The following ADAM32 variants were observed in gnomAD, a reference collection of about 807,000 sequenced individuals.
ADAM32 encodes the protein ADAM metallopeptidase domain 32.
A neutral mutation model predicts 114.9 loss-of-function variants in ADAM32; 89 were observed. The ratio of observed to expected loss-of-function variants is 0.77; its 90% confidence interval spans 0.65 to 0.92. The LOEUF is 0.92. Ranked by LOEUF, ADAM32 falls within the 40% of genes least tolerant of loss-of-function variation. ADAM32 has a pLI of 0.00. For synonymous variants in ADAM32, 285 were observed against 307.5 expected, an observed-to-expected ratio of 0.93 and a Z score of 0.77; for missense variants, 870 against 932.8, an observed-to-expected ratio of 0.93 and a Z score of 0.88.
At chr8:39,246,237 C>T in intron 17 of ADAM32, 71 bp downstream of exon 17, 1 of 1,434,910 alleles carries the variant, frequency 7.0e-7, no homozygotes, top group Non-Finnish European at 9.7e-7. Context: ...AATTTACTGA[C>T]ATTTTTTGGG....
intron 6 of ADAM32, chr8:39,157,581 C>T: frequency 1.9e-6 from 1 of 535,986 alleles, no homozygotes. Flanking sequence ...CTTGAGTGGT[C>T]CCATGAATGC....
intron 3 of ADAM32, among the ~76,000 whole-genome samples, chr8:39,144,661 A>C (rs980115940): frequency 4.6e-4 from 1 of 2,154 alleles, no homozygotes; most frequent in Non-Finnish European, 0.011. Context: ...ATACCTTAAC[A>C]CAAAAATGTC....
intron 2 of ADAM32, chr8:39,132,140 A>G (rs4733979): frequency 0.29 from 45,886 of 158,768 alleles, 6,727 homozygotes; most frequent in Middle Eastern, 0.35. Flanking sequence ...TGATCCGCCC[A>G]CCTTGGCCTC....
chr8:39,241,734 C>CTTT (rs1404994074), intron 16 of ADAM32, among the ~76,000 whole-genome samples: 1 of 152,196 alleles, frequency 6.6e-6, no homozygotes, highest in Non-Finnish European at 1.5e-5. Context: ...TTTTTCCCTC[C>CTTT]TAAACCTCCA....
chr8:39,151,126 T>C (rs966032365), intron 5 of ADAM32, among the ~76,000 whole-genome samples: 2 of 152,226 alleles, frequency 1.3e-5, no homozygotes, highest in African/African-American at 2.4e-5. Context: ...ATTACTGTTA[T>C]GCTATATACT....
intron 14 of ADAM32, chr8:39,223,461 C>T (rs1049827220): frequency 7.3e-5 from 18 of 245,012 alleles, no homozygotes; most frequent in East Asian, 3.1e-4. Context: ...AACATATACG[C>T]GCTAATTCTT....
chr8:39,226,674 T>G (rs1041543077), intron 14 of ADAM32, among the ~76,000 whole-genome samples: 2 of 151,346 alleles, frequency 1.3e-5, no homozygotes, highest in Admixed American at 6.6e-5. Flanking sequence ...CTGGCAAAGC[T>G]CTTCTTCGGA....
chr8:39,133,349 A>G (rs930174987), intron 2 of ADAM32, among the ~76,000 whole-genome samples: 7 of 152,196 alleles, frequency 4.6e-5, no homozygotes, highest in Non-Finnish European at 8.8e-5. Flanking sequence ...ATGTGCAGAG[A>G]TGTAATATCT....
chr8:39,200,407 C>T (rs952536509), intron 11 of ADAM32, among the ~76,000 whole-genome samples: 40 of 152,020 alleles, frequency 2.6e-4, no homozygotes, highest in African/African-American at 8.0e-4. Context: ...GTCTGTTGGC[C>T]GCATAAATAT....
At chr8:39,215,147 T>C (rs1808476416) in intron 12 of ADAM32, among the ~76,000 whole-genome samples, 1 of 152,084 alleles carries the variant, frequency 6.6e-6, no homozygotes, top group South Asian at 2.1e-4. Context: ...TCAGGATAGC[T>C]TTAGCTATTC....
chr8:39,159,613 G>A (rs1442155917), intron 6 of ADAM32, among the ~76,000 whole-genome samples: 1 of 151,962 alleles, frequency 6.6e-6, no homozygotes, highest in Non-Finnish European at 1.5e-5. Flanking sequence ...TGCTTTTCTT[G>A]TCCGTTTTTC....
intron 15 of ADAM32, among the ~76,000 whole-genome samples, chr8:39,232,937 G>T (rs1441323758): frequency 6.6e-6 from 1 of 152,148 alleles, no homozygotes; most frequent in Admixed American, 6.5e-5. Flanking sequence ...AGACTGTAAA[G>T]TCCTTAGAGT....
intron 11 of ADAM32, among the ~76,000 whole-genome samples, chr8:39,204,293 T>C (rs554583474): frequency 4.1e-4 from 63 of 152,358 alleles, no homozygotes; most frequent in African/African-American, 1.4e-3. Context: ...TTTGGTCTTT[T>C]CACATAGTCC....
At chr8:39,196,764 C>T (rs1807031034) in intron 11 of ADAM32, among the ~76,000 whole-genome samples, 1 of 151,824 alleles carries the variant, frequency 6.6e-6, no homozygotes, top group Non-Finnish European at 1.5e-5. Context: ...ATTTTTGTGT[C>T]TATGTTCATT....
At chr8:39,234,542 A>G (rs1809973713) in intron 16 of ADAM32, among the ~76,000 whole-genome samples, 1 of 152,174 alleles carries the variant, frequency 6.6e-6, no homozygotes, top group African/African-American at 2.4e-5. Flanking sequence ...AGATATCTCA[A>G]CTGTACATAA....
chr8:39,283,586 A>G lies in ADAM32; in HGVS notation c.2319A>G (p.Arg773=), dbSNP rs1266421549. The G allele has an allele frequency of 1.9e-6, 3 of 1,597,936 alleles. No individual in the cohort carries two copies. The South Asian group carries it at 3.4e-5, about 18-fold the overall frequency. Residue 773 remains arginine (R), a splice_region_variant and synonymous_variant, in exon 24 of 25, where the codon AGA becomes AGG. Transcript: ENST00000379907. ...SEDSAEAYTS[R]SKSQDSTQTQ... Reference sequence around the variant, plus strand: ...AAATGTTATTTCCTTATTTCCTTAGATCCAAATCACAGGACAGTACCCAAA... The same window carrying G: ...AAATGTTATTTCCTTATTTCCTTAGGTCCAAATCACAGGACAGTACCCAAA...
chr8:39,216,653 C>T (rs1808586613), intron 12 of ADAM32, among the ~76,000 whole-genome samples: 2 of 151,970 alleles, frequency 1.3e-5, no homozygotes, highest in African/African-American at 4.8e-5. Context: ...CTAGCAAATA[C>T]TATCTTCTAG....
At chr8:39,272,653 G>T (rs1409647102) in intron 20 of ADAM32, among the ~76,000 whole-genome samples, 2 of 152,172 alleles carry the variant, frequency 1.3e-5, no homozygotes, top group Non-Finnish European at 2.9e-5. Flanking sequence ...AGGACTGGAA[G>T]TTGCTCCGGG....
chr8:39,249,094 C>T (rs554184771), intron 17 of ADAM32, among the ~76,000 whole-genome samples: 14 of 151,886 alleles, frequency 9.2e-5, no homozygotes, highest in Admixed American at 3.3e-4. Context: ...TTAGTAGAGA[C>T]GGGGTTTCAT....
Sources: gnomAD v4.1 joint callset for allele counts (sites outside exome capture counted in the v4.1 genomes callset) on GRCh38, gnomAD v4.1.1 for gene constraint, MANE v1.5 for transcripts, NCBI Gene and HGNC (gene_info 2026-07-23, HGNC 2026-07-21) for gene names.